The following HEATR1 variants were observed in gnomAD, a reference collection of about 807,000 sequenced individuals.
The protein encoded by HEATR1 is HEAT repeat-containing protein 1.
In HEATR1, 77 loss-of-function variants were observed where a neutral mutation model predicts 248.2. That is an observed-to-expected ratio of 0.31 (90% confidence interval 0.26 to 0.37). HEATR1 has a LOEUF of 0.37. HEATR1 is among the 10% of genes least tolerant of loss of function. HEATR1 has a pLI of 1.00. For synonymous variants in HEATR1, 897 were observed against 923.1 expected (o/e 0.97, Z 0.51); for missense variants, 2,420 against 2,504.9 (o/e 0.97, Z 0.72).
At position 236,566,629 on chromosome 1, in the gene HEATR1, C is replaced by G; in HGVS notation, c.4308+17G>C. ...AGAAATCACCATTTTCCTTATCTTC[C>G]CACCCTAGGTTCTGACCTTTTCGCC... On this transcript the variant is annotated intron_variant, in intron 30 of 44. Transcript: ENST00000366582. 6.4e-7 allele frequency: 1 copy of G among 1,567,666 alleles called. No homozygotes were observed. The highest frequency in any genetic ancestry group is 1.1e-5 in the South Asian group (1 of 89,552).
rs1392049404 is a variant in HEATR1 at position 236,566,726 on chromosome 1, T to C, written c.4228A>G (p.Lys1410Glu). 6.2e-7 allele frequency: 1 copy of C among 1,614,018 alleles called. No individual in the cohort carries two copies. Among genetic ancestry groups the C allele is most frequent in the African/African-American group, 1.3e-5 (1 of 74,910 alleles). Reference sequence around the variant, plus strand: ...AAGATGAGGAGAATCCAGAGGAATTTCTCTGCACCCAGTGTATCAACAAGT... The same window carrying C: ...AAGATGAGGAGAATCCAGAGGAATTCCTCTGCACCCAGTGTATCAACAAGT... ...VQLVDTLGAE[K>E]FLWILLILLF... is the part of the protein sequence containing the mutation. Residue 1410 changes from lysine (K) to glutamate (E), a missense_variant, in exon 30 of 45, where the codon AAA becomes GAA. Transcript: ENST00000366582.
chr1:236,550,997 A>AAG lies in HEATR1; in HGVS notation c.6347-8_6347-7insCT. On this transcript the variant is annotated splice_polypyrimidine_tract_variant and splice_region_variant and intron_variant, in intron 44 of 44. Coordinates refer to ENST00000366582, the MANE Select transcript of HEATR1 (RefSeq NM_018072.6). ...TCTACTTCTTCACATTCATCTAAAAAAAAAAAAAAAAAATCAAAATTAAAA... is the reference window on the plus strand; with the variant it reads ...TCTACTTCTTCACATTCATCTAAAAAAGAAAAAAAAAAAAATCAAAATTAAAA... The AAG allele has an allele frequency of 1.3e-6, 2 of 1,552,094 alleles. No homozygotes were observed. Among genetic ancestry groups the AAG allele is most frequent in the Non-Finnish European group, 1.7e-6 (2 of 1,156,710 alleles).
At chr1:236,554,493 T>C in intron 42 of HEATR1, 105 bp downstream of exon 42, 1 of 1,058,752 alleles carries the variant, frequency 9.4e-7, no homozygotes, top group South Asian at 1.5e-5. Context: ...AAAACAACCT[T>C]ACAAAGAAAA....
At chr1:236,590,987 C>T (rs764584590) in intron 11 of HEATR1, 33 bp from the exon 12 acceptor site, 1 of 1,118,212 alleles carries the variant, frequency 8.9e-7, no homozygotes, top group Admixed American at 2.7e-5. Context: ...CAAATGATTT[C>T]ACTTAATCTG....
At position 236,575,562 on chromosome 1, in the gene HEATR1, A is replaced by G. The variant is rs554135348; in HGVS notation, c.3084+657T>C. 1.7e-3 allele frequency among the ~76,000 whole-genome samples: 254 copies of G among 152,334 alleles called. 1 individual carries two copies. Among genetic ancestry groups the G allele is most frequent in the Non-Finnish European group, 2.2e-3 (151 of 68,002 alleles). On this transcript the variant is annotated intron_variant, in intron 22 of 44. Transcript: ENST00000366582. Reference sequence around the variant, plus strand: ...ATTTAAACTATACCAGGGACAACTAAGGGCTGAATGCAACCTGTTTGTTCC... The same window carrying G: ...ATTTAAACTATACCAGGGACAACTAGGGGCTGAATGCAACCTGTTTGTTCC...
At chr1:236,588,351 G>C (rs907065770) in intron 12 of HEATR1, among the ~76,000 whole-genome samples, 1 of 152,186 alleles carries the variant, frequency 6.6e-6, no homozygotes, top group African/African-American at 2.4e-5. Flanking sequence ...ATATTGACGG[G>C]ATATAGACTA....
intron 28 of HEATR1, among the ~76,000 whole-genome samples, chr1:236,570,242 T>C (rs1663389867): frequency 6.6e-6 from 1 of 152,170 alleles, no homozygotes; most frequent in African/African-American, 2.4e-5. Context: ...TGAGCTGAGA[T>C]CGCGCCACTG....
chr1:236,604,159 T>C, intron 1 of HEATR1, 32 bp from the exon 2 acceptor site: 2 of 1,494,800 alleles, frequency 1.3e-6, no homozygotes, highest in Middle Eastern at 2.2e-4. Flanking sequence ...GATAAGTTTC[T>C]ACGAAATTAT....
chr1:236,586,967 T>C (rs1439122574), intron 14 of HEATR1, among the ~76,000 whole-genome samples: 1 of 152,126 alleles, frequency 6.6e-6, no homozygotes, highest in African/African-American at 2.4e-5. Flanking sequence ...TGCAAAAAGC[T>C]TTGGTGCCAA....
At chr1:236,590,699 C>T (rs185245526) in intron 12 of HEATR1, 148 bp downstream of exon 12, 1 of 398,474 alleles carries the variant, frequency 2.5e-6, no homozygotes, top group Non-Finnish European at 4.5e-6. Context: ...ATACACAGTC[C>T]TAAATATTAG....
At chr1:236,572,586 AGCAAACTCTATCATGT>A in intron 25 of HEATR1, 32 bp from the exon 26 acceptor site, 1 of 1,612,720 alleles carries the variant, frequency 6.2e-7, no homozygotes, top group Non-Finnish European at 8.5e-7. Flanking sequence ...ACGTTGGAAA[AGCAAACTCTATCATGT>A]GCTAAGTAAA....
At chr1:236,571,282 T>A in intron 28 of HEATR1, 69 bp downstream of exon 28, 1 of 1,508,950 alleles carries the variant, frequency 6.6e-7, no homozygotes, top group South Asian at 1.3e-5. Flanking sequence ...AATCAACAGG[T>A]GCCAGTGCAT....
chr1:236,569,170 C>T, intron 28 of HEATR1, 46 bp from the exon 29 acceptor site: 1 of 1,485,482 alleles, frequency 6.7e-7, no homozygotes, highest in Non-Finnish European at 9.1e-7. Context: ...CTGTTAATTT[C>T]TACTAATTTT....
At position 236,566,881 on chromosome 1, in the gene HEATR1, A is replaced by G; in HGVS notation, c.4078-5T>C. ...TATAGAATCTCCACTATCAGACTGC[A>G]AAACAGCAAGCAGAGACAATGAGTA... On this transcript the variant is annotated splice_polypyrimidine_tract_variant and splice_region_variant and intron_variant, in intron 29 of 44. Coordinates refer to ENST00000366582, the MANE Select transcript of HEATR1 (RefSeq NM_018072.6). 3 of 1,592,826 alleles carry G rather than the reference A, an allele frequency of 1.9e-6. No homozygotes were observed. Among genetic ancestry groups the G allele is most frequent in the Non-Finnish European group, 2.6e-6 (3 of 1,160,774 alleles).
intron 16 of HEATR1, among the ~76,000 whole-genome samples, chr1:236,585,520 T>TAAC (rs545186141): frequency 1.2e-4 from 18 of 152,224 alleles, no homozygotes; most frequent in Middle Eastern, 3.4e-3. Flanking sequence ...TTTGCTATTT[T>TAAC]AACAACAACA....
intron 26 of HEATR1, 96 bp from the exon 27 acceptor site, chr1:236,571,782 A>G (rs1663434526): frequency 1.2e-6 from 1 of 807,966 alleles, no homozygotes; most frequent in South Asian, 1.5e-5. Context: ...TTCAATAAGG[A>G]ACTCATTCAA....
Position 236,572,707 on chromosome 1 carries a change from T to G in HEATR1, c.3563+18A>C. The G allele has an allele frequency of 6.2e-7, 1 of 1,610,226 alleles. No individual in the cohort carries two copies. The highest frequency in any genetic ancestry group is 8.5e-7 in the Non-Finnish European group (1 of 1,176,506). On this transcript the variant is annotated intron_variant, in intron 25 of 44. Transcript: ENST00000366582. ...TCAGGGAACAACAGCATGTGCTCAA[T>G]GCATTTGTAGCTCTTACTTCTGCTG...
Position 236,581,294 on chromosome 1 carries a change from A to G in HEATR1, c.2683T>C (p.Tyr895His). The G allele has an allele frequency of 6.2e-7, 1 of 1,613,870 alleles. No individual in the cohort carries two copies. Among genetic ancestry groups the G allele is most frequent in the Non-Finnish European group, 8.5e-7 (1 of 1,179,922 alleles). Residue 895 changes from tyrosine (Y) to histidine (H), a missense_variant, in exon 20 of 45, where the codon TAT (tyrosine) becomes CAT (histidine). By Grantham distance (83) the Tyr-to-His change is moderately conservative. Coordinates refer to ENST00000366582, the MANE Select transcript of HEATR1 (RefSeq NM_018072.6). The stretch of plus-strand genomic sequence containing the variant: ...GAAGAAAGCATTGCACAGCCCACAT[A>G]AAGAGCTTGAGTCTGCAGCACTGTT... ...VKTVLQTQAL[Y>H]VGCAMLSSQK...
intron 42 of HEATR1, 101 bp downstream of exon 42, chr1:236,554,497 A>C (rs1283410580): frequency 1.8e-6 from 2 of 1,099,490 alleles, no homozygotes; most frequent in African/African-American, 3.2e-5. Flanking sequence ...CAACCTTACA[A>C]AGAAAAATCC....
Sources: allele counts gnomAD v4.1 joint callset (sites outside exome capture counted in the v4.1 genomes callset), GRCh38; gene constraint gnomAD v4.1.1; transcripts MANE v1.5; gene names NCBI Gene and HGNC (gene_info 2026-07-23, HGNC 2026-07-21).